CEP43: variants seen among roughly 807,000 people sequenced by gnomAD.
CEP43 encodes FGFR1 oncogene partner.
CEP43 carries 36 observed loss-of-function variants against 52.6 expected under a neutral mutation model. The observed-to-expected ratio is 0.68, with a 90% CI of 0.52 to 0.90. CEP43 has a LOEUF of 0.90. Ranked by LOEUF, CEP43 falls within the 40% of genes least tolerant of loss-of-function variation. CEP43 has a pLI of 0.00. For missense variants in CEP43, 506 were observed against 472.8 expected (o/e 1.07, Z -0.65); for synonymous variants, 192 against 172.4 (o/e 1.11, Z -0.89).
intron 11 of CEP43, among the ~76,000 whole-genome samples, chr6:167,033,641 A>T (rs1014409517): frequency 6.6e-6 from 1 of 152,130 alleles, no homozygotes; most frequent in Admixed American, 6.5e-5. Flanking sequence ...TGCTATTGTG[A>T]CCAAAGTCAC....
At chr6:167,023,211 G>A (rs1382413058) in intron 8 of CEP43, among the ~76,000 whole-genome samples, 3 of 152,182 alleles carry the variant, frequency 2.0e-5, no homozygotes, top group African/African-American at 7.2e-5. Flanking sequence ...GGTGGACTCA[G>A]AGATGAGGAG....
rs1780028600 is a variant in CEP43, at chr6:167,013,511, C to A, written c.523C>A (p.Pro175Thr). ...TSAQTTPSKIPRYKGQGKKKT... is the reference protein window; with the variant it reads ...TSAQTTPSKITRYKGQGKKKT... ...CTCATTTTATTCTCATGCTCAGATA[C>A]CAAGGTATAAAGGACAAGGTAAGAA... The change falls in exon 7 of 13, where the codon CCA (proline) becomes ACA (threonine). Residue 175 changes from proline (P) to threonine (T), a missense_variant. By Grantham distance (38) the Pro-to-Thr change is conservative. Transcript: ENST00000366847. 3 of 1,611,904 alleles carry A rather than the reference C, an allele frequency of 1.9e-6. No homozygotes were observed. Among genetic ancestry groups the A allele is most frequent in the Admixed American group, 3.3e-5 (2 of 59,862 alleles).
In CEP43 at chr6:167,042,365, T is replaced by C; in HGVS notation, c.*2387T>C. 1 of 972,212 alleles carries C rather than the reference T, an allele frequency of 1.0e-6. No individual in the cohort carries two copies. Among genetic ancestry groups the C allele is most frequent in the Non-Finnish European group, 1.2e-6 (1 of 811,798 alleles). 60.2% of individuals were successfully genotyped at this position (972,212 alleles called of 1,614,324 possible). ...GTTTTAAAAATGCTAGGTCTTTCTT[T>C]CATTTTATTGATAACTACAAATGAA... On this transcript the variant is annotated 3_prime_UTR_variant, in exon 13 of 13. Transcript: ENST00000366847.
chr6:167,025,626 ATCT>A (rs1018447117), intron 9 of CEP43, among the ~76,000 whole-genome samples: 2 of 152,232 alleles, frequency 1.3e-5, no homozygotes, highest in Admixed American at 6.5e-5. Flanking sequence ...GTATTTCCGA[ATCT>A]TTTTGTATTG....
At chr6:167,008,400 A>C (rs1476160975) in intron 5 of CEP43, among the ~76,000 whole-genome samples, 2 of 152,126 alleles carry the variant, frequency 1.3e-5, no homozygotes, top group African/African-American at 4.8e-5. Flanking sequence ...CTGGTTACAC[A>C]TGGAAATTTA....
rs932863286 is a variant in CEP43 at position 167,042,257 on chromosome 6, A to G, written c.*2279A>G. Reference sequence around the variant, plus strand: ...TGTGAAGTGACAGGTTTTGCATGTGATGAGTGTTTTCTGTTAAAAAATAAA... The same window carrying G: ...TGTGAAGTGACAGGTTTTGCATGTGGTGAGTGTTTTCTGTTAAAAAATAAA... On this transcript the variant is annotated 3_prime_UTR_variant, in exon 13 of 13. Transcript: ENST00000366847. 9.9e-7 allele frequency: 1 copy of G among 1,006,032 alleles called. No homozygotes were observed. The allele number at this position is 1,006,032 out of a possible 1,614,324, so 62.3% of individuals were successfully genotyped here.
chr6:167,040,718 A>T lies in CEP43; in HGVS notation c.*740A>T. 9.8e-7 allele frequency: 1 copy of T among 1,016,980 alleles called. No individual in the cohort carries two copies. Among genetic ancestry groups the T allele is most frequent in the Non-Finnish European group, 1.2e-6 (1 of 846,418 alleles). The allele number at this position is 1,016,980 out of a possible 1,614,324, so 63.0% of individuals were successfully genotyped here. ...TTTAGTCGTAGGTTCTCTTCATTAT[A>T]ATTTATTATCTGTAAAGATTCCTTG... On this transcript the variant is annotated 3_prime_UTR_variant, in exon 13 of 13. Transcript: ENST00000366847.
At position 167,042,547 on chromosome 6, in the gene CEP43, C is replaced by A; in HGVS notation, c.*2569C>A. The A allele has an allele frequency of 5.2e-6, 1 of 192,202 alleles. No individual in the cohort carries two copies. The highest frequency in any genetic ancestry group is 9.6e-6 in the Non-Finnish European group (1 of 104,362). The allele number at this position is 192,202 out of a possible 1,614,324, so 11.9% of individuals were successfully genotyped here. On this transcript the variant is annotated 3_prime_UTR_variant, in exon 13 of 13. Transcript: ENST00000366847. ...CTTACTTCCCTCTCCTGCCCATGCA[C>A]CAGAGCTGTGCCAGCCCACTGCTGC...
At chr6:167,007,633 GAAAT>G (rs1779885535) in intron 5 of CEP43, among the ~76,000 whole-genome samples, 2 of 152,122 alleles carry the variant, frequency 1.3e-5, no homozygotes, top group African/African-American at 4.8e-5. Context: ...TGTTTATAAT[GAAAT>G]AAAAAATTAG....
In CEP43 at chr6:167,043,584, T is replaced by C. The variant is rs1780745762; in HGVS notation, c.*3606T>C. 2 of 151,980 alleles carry C rather than the reference T, an allele frequency of 1.3e-5. No homozygotes were observed. Among genetic ancestry groups the C allele is most frequent in the South Asian group, 2.1e-4 (1 of 4,810 alleles). 9.4% of individuals were successfully genotyped at this position (151,980 alleles called of 1,614,324 possible). ...TTTTTGTAGAGACGGGATTTCACCA[T>C]GTTGGCCAGGCTGGTCTCAAACTCC... On this transcript the variant is annotated 3_prime_UTR_variant, in exon 13 of 13. Transcript: ENST00000366847.
At chr6:167,036,287 C>T (rs1032914940) in intron 12 of CEP43, 7 of 985,224 alleles carry the variant, frequency 7.1e-6, no homozygotes, top group African/African-American at 5.2e-5. Flanking sequence ...AGGGAGATCC[C>T]GGGACATGTC....
chr6:167,019,704 A>G lies in CEP43; in HGVS notation c.580-2705A>G, dbSNP rs551773708. ...ATATAGTAATGCCCTTCTCCGTAAA[A>G]CTTGTCTTCCTAAAACTGGTCTTTC... On this transcript the variant is annotated intron_variant, in intron 7 of 12. Coordinates refer to ENST00000366847, the MANE Select transcript of CEP43 (RefSeq NM_007045.4). 4.7e-4 allele frequency among the ~76,000 whole-genome samples: 71 copies of G among 152,258 alleles called. No individual in the cohort carries two copies. The South Asian group carries it at 0.015, about 31-fold the overall frequency.
chr6:167,018,161 C>G (rs1382711840), intron 7 of CEP43, among the ~76,000 whole-genome samples: 1 of 152,166 alleles, frequency 6.6e-6, no homozygotes, highest in African/African-American at 2.4e-5. Context: ...GTCTCTTCCC[C>G]CCAGCAAGGA....
Position 167,013,522 on chromosome 6 carries a change from A to C in CEP43, c.534A>C (p.Lys178Asn). Reference sequence around the variant, plus strand: ...CTCATGCTCAGATACCAAGGTATAAAGGACAAGGTAAGAAGAAGACAAGCG... The same window carrying C: ...CTCATGCTCAGATACCAAGGTATAACGGACAAGGTAAGAAGAAGACAAGCG... ...QTTPSKIPRY[K>N]GQGKKKTSGQ... is the part of the protein sequence containing the mutation. Residue 178 changes from lysine (K) to asparagine (N), a missense_variant, in exon 7 of 13, where the codon AAA becomes AAC. Coordinates refer to ENST00000366847, the MANE Select transcript of CEP43 (RefSeq NM_007045.4). 1 of 1,613,490 alleles carries C rather than the reference A, an allele frequency of 6.2e-7. No individual in the cohort carries two copies. The highest frequency in any genetic ancestry group is 2.2e-5 in the East Asian group (1 of 44,866).
At chr6:167,026,436 T>C in intron 9 of CEP43, 111 bp from the exon 10 acceptor site, 1 of 710,728 alleles carries the variant, frequency 1.4e-6, no homozygotes, top group South Asian at 1.6e-5. Context: ...TTTAGGTTAT[T>C]ATGCTCCTGT....
At chr6:167,012,643 G>A (rs992041054) in intron 6 of CEP43, among the ~76,000 whole-genome samples, 5 of 152,102 alleles carry the variant, frequency 3.3e-5, no homozygotes, top group Non-Finnish European at 5.9e-5. Context: ...TATATATAAT[G>A]TATGTCTTCA....
At chr6:167,029,047 G>C (rs1473498676) in intron 10 of CEP43, among the ~76,000 whole-genome samples, 1 of 152,196 alleles carries the variant, frequency 6.6e-6, no homozygotes, top group African/African-American at 2.4e-5. Flanking sequence ...GGCATGTACT[G>C]TCTCTCACAT....
chr6:167,024,223 G>A (rs567849586), intron 8 of CEP43, among the ~76,000 whole-genome samples: 30 of 152,272 alleles, frequency 2.0e-4, no homozygotes, highest in Middle Eastern at 3.4e-3. Flanking sequence ...AGTTGAGTGA[G>A]GATGGAGGAC....
Position 167,044,308 on chromosome 6 carries a change from A to C in CEP43, c.*4330A>C, listed in dbSNP as rs1780759312. 1 of 685,380 alleles carries C rather than the reference A, an allele frequency of 1.5e-6. No individual in the cohort carries two copies. Among genetic ancestry groups the C allele is most frequent in the Non-Finnish European group, 1.8e-6 (1 of 555,744 alleles). 42.5% of individuals were successfully genotyped at this position (685,380 alleles called of 1,614,324 possible). ...AATAAAAATGATTTTTGACTAAAAA[A>C]TTGTTGGCCTAAGATAATTCAGTAG... On this transcript the variant is annotated 3_prime_UTR_variant, in exon 13 of 13. Transcript: ENST00000366847.
Sources: allele counts gnomAD v4.1 joint callset (sites outside exome capture counted in the v4.1 genomes callset), GRCh38; gene constraint gnomAD v4.1.1; transcripts MANE v1.5; gene names NCBI Gene and HGNC (gene_info 2026-07-23, HGNC 2026-07-21).